The following CACNA1H variants were observed in gnomAD, a reference collection of about 807,000 sequenced individuals.
CACNA1H encodes the protein calcium voltage-gated channel subunit alpha1 H.
A neutral mutation model predicts 192.5 loss-of-function variants in CACNA1H; 149 were observed. That is an observed-to-expected ratio of 0.77 (90% CI 0.68 to 0.89). The LOEUF (loss-of-function observed/expected upper bound fraction) is 0.89, where lower values mean the gene tolerates loss of function less well. Ranked by LOEUF, CACNA1H falls within the 40% of genes least tolerant of loss-of-function variation. CACNA1H has a pLI of 0.00. For missense variants in CACNA1H, 4,257 were observed against 3,423.5 expected (o/e 1.24, Z -6.08); for synonymous variants, 2,202 against 1,475.2 (o/e 1.49, Z -11.29).
rs768949752 is a variant in CACNA1H at position 1,210,776 on chromosome 16, GC to G, written c.4039-8del. 1 of 1,599,230 alleles carries G rather than the reference GC, an allele frequency of 6.3e-7. No individual in the cohort carries two copies. Among genetic ancestry groups the G allele is most frequent in the Non-Finnish European group, 8.5e-7 (1 of 1,179,334 alleles). Reference sequence around the variant, plus strand: ...CCTGAGCCTGAGCTCAGTGCCATTGGCCCTCCGCAGGTGGTGGCCCTGGGGC... The same window carrying G: ...CCTGAGCCTGAGCTCAGTGCCATTGGCCTCCGCAGGTGGTGGCCCTGGGGC... On this transcript the variant is annotated splice_polypyrimidine_tract_variant and intron_variant, in intron 20 of 34. Coordinates refer to ENST00000348261, the MANE Select transcript of CACNA1H (RefSeq NM_021098.3).
intron 9 of CACNA1H, among the ~76,000 whole-genome samples, chr16:1,202,826 C>T (rs1040487783): frequency 6.6e-6 from 1 of 152,150 alleles, no homozygotes; most frequent in African/African-American, 2.4e-5. Context: ...GTGCAGCGTC[C>T]TTCGTGGCCA....
At chr16:1,157,200 G>A (rs1050047336) in intron 2 of CACNA1H, 6 of 152,184 alleles carry the variant, frequency 3.9e-5, no homozygotes, top group South Asian at 2.1e-4. Flanking sequence ...CTGCGAGAGC[G>A]AGGGAGGCGG....
chr16:1,176,870 A>C (rs1200882626), intron 2 of CACNA1H, among the ~76,000 whole-genome samples: 2 of 152,042 alleles, frequency 1.3e-5, no homozygotes, highest in African/African-American at 4.8e-5. Context: ...AGGGGGTCCT[A>C]AGGATGATGT....
rs1280814152 is a variant in CACNA1H, at chr16:1,204,608, A to G, written c.2451+150A>G. ...AAGCCGGGGATGGTGAGGATAGGAG[A>G]CCAGGTGTGCCGAGCCTCCACTGGA... On this transcript the variant is annotated intron_variant, in intron 10 of 34. Transcript: ENST00000348261. 4.8e-6 allele frequency: 3 copies of G among 625,750 alleles called. No individual in the cohort carries two copies. The East Asian group carries it at 8.7e-5, about 18-fold the overall frequency. The allele number at this position is 625,750 out of a possible 1,614,324, so 38.8% of individuals were successfully genotyped here.
At chr16:1,162,565 C>T (rs1244760163) in intron 2 of CACNA1H, among the ~76,000 whole-genome samples, 1 of 150,940 alleles carries the variant, frequency 6.6e-6, no homozygotes, top group Non-Finnish European at 1.5e-5. Context: ...GGCACGGGGG[C>T]TGGTGCTGCA....
intron 2 of CACNA1H, among the ~76,000 whole-genome samples, chr16:1,172,836 C>G (rs746738671): frequency 6.6e-6 from 1 of 152,098 alleles, no homozygotes; most frequent in African/African-American, 2.4e-5. Context: ...GGAGGACTCA[C>G]GGCTTTGCTC....
intron 21 of CACNA1H, 89 bp from the exon 22 acceptor site, chr16:1,211,079 G>C: frequency 6.4e-7 from 1 of 1,563,804 alleles, no homozygotes. Flanking sequence ...CCGCCCACTC[G>C]GCCCCACCTT....
intron 17 of CACNA1H, among the ~76,000 whole-genome samples, chr16:1,209,674 G>A (rs149928765): frequency 5.3e-5 from 8 of 152,326 alleles, no homozygotes; most frequent in South Asian, 2.1e-4. Flanking sequence ...TGGGCTCTGC[G>A]CCGTGGGTCA....
chr16:1,208,426 C>T (rs921782689), intron 16 of CACNA1H, among the ~76,000 whole-genome samples: 8 of 152,168 alleles, frequency 5.3e-5, no homozygotes, highest in African/African-American at 1.7e-4. Flanking sequence ...AAGGGGCAGA[C>T]GCGGAAGCTC....
intron 6 of CACNA1H, 174 bp downstream of exon 6, chr16:1,198,948 C>G (rs1967350104): frequency 1.6e-6 from 1 of 630,444 alleles, no homozygotes; most frequent in Admixed American, 2.8e-5. Flanking sequence ...CGCCCCCACC[C>G]CCCATCATGG....
At position 1,167,130 on chromosome 16, in the gene CACNA1H, G is replaced by A. The variant is rs1011760209; in HGVS notation, c.299+13094G>A. 3.3e-5 allele frequency among the ~76,000 whole-genome samples: 5 copies of A among 152,180 alleles called. No homozygotes were observed. The highest frequency in any genetic ancestry group is 2.1e-4 in the South Asian group (1 of 4,828). On this transcript the variant is annotated intron_variant, in intron 2 of 34. Coordinates refer to ENST00000348261, the MANE Select transcript of CACNA1H (RefSeq NM_021098.3). This position sits in a 1 kb window ranked among gnomAD's most constrained non-coding sequence, Gnocchi z 4.2. Reference sequence around the variant, plus strand: ...AGTCCAGGGCTGTGGGAGTGGACACGGCCCTTCCTTTCCTCGCCGACCCTT... The same window carrying A: ...AGTCCAGGGCTGTGGGAGTGGACACAGCCCTTCCTTTCCTCGCCGACCCTT...
rs774661170 is a variant in CACNA1H at position 1,209,330 on chromosome 16, T to G, written c.3662T>G (p.Val1221Gly). 2 of 1,597,724 alleles carry G rather than the reference T, an allele frequency of 1.3e-6. No homozygotes were observed. Among genetic ancestry groups the G allele is most frequent in the African/African-American group, 1.3e-5 (1 of 74,974 alleles). The change falls in exon 17 of 35, where the codon GTG becomes GGG. Residue 1221 changes from valine to glycine, a missense_variant. By Grantham distance (109) the Val-to-Gly change is moderately radical. Coordinates refer to ENST00000348261, the MANE Select transcript of CACNA1H (RefSeq NM_021098.3). ...PTKCRDRDGQ[V>G]VALPSDFFLR... ...AAGTGCCGCGATCGCGACGGGCAGG[T>G]GGTGGCCCTGCCCAGCGACTTCTTC...
chr16:1,153,861 C>CG lies in CACNA1H; in HGVS notation c.129dup (p.Ser44ValfsTer81). On this transcript the variant is annotated frameshift_variant, in exon 2 of 35. Transcript: ENST00000348261. LOFTEE classifies it high-confidence loss of function. Reference sequence around the variant, plus strand: ...CGGGGCGCCGGGACGCGAGGCGGAGCGGGGGTCCGAGCTCGGCGTGTCACC... The same window carrying CG: ...CGGGGCGCCGGGACGCGAGGCGGAGCGGGGGGTCCGAGCTCGGCGTGTCACC... The CG allele has an allele frequency of 7.3e-7, 1 of 1,368,892 alleles. No homozygotes were observed. The highest frequency in any genetic ancestry group is 9.4e-7 in the Non-Finnish European group (1 of 1,059,006). 84.8% of individuals were successfully genotyped at this position (1,368,892 alleles called of 1,614,324 possible). A position where few individuals can be genotyped will look rare whatever the true frequency, so the allele number is the denominator to read the frequency against.
intron 2 of CACNA1H, among the ~76,000 whole-genome samples, chr16:1,158,798 AC>A (rs1264264032): frequency 1.3e-5 from 2 of 149,516 alleles, no homozygotes; most frequent in Non-Finnish European, 3.0e-5. Flanking sequence ...GCCCCGCCGC[AC>A]CCCCGGCCCC....
At chr16:1,218,929 G>A (rs1246524010) in intron 33 of CACNA1H, 41 bp from the exon 34 acceptor site, 2 of 1,544,756 alleles carry the variant, frequency 1.3e-6, no homozygotes, top group African/African-American at 1.4e-5. Context: ...GGGCAGGAAG[G>A]CAGGGGCAGA....
chr16:1,153,890 C>T lies in CACNA1H; in HGVS notation c.153C>T (p.Ser51=), dbSNP rs1179273024. Residue 51 remains serine, a synonymous_variant, in exon 2 of 35, where the codon TCC becomes TCT. Coordinates refer to ENST00000348261, the MANE Select transcript of CACNA1H (RefSeq NM_021098.3). The part of the protein sequence containing the change: ...ERGSELGVSP[S]ESPAAERGAE... ...GGTCCGAGCTCGGCGTGTCACCCTC[C>T]GAGAGCCCGGCGGCCGAGCGCGGCG... The T allele has an allele frequency of 1.6e-5, 23 of 1,441,298 alleles. No homozygotes were observed. The highest frequency in any genetic ancestry group is 2.0e-5 in the Non-Finnish European group (22 of 1,096,798). 89.3% of individuals were successfully genotyped at this position (1,441,298 alleles called of 1,614,324 possible). A position where few individuals can be genotyped will look rare whatever the true frequency, so the allele number is the denominator to read the frequency against.
intron 2 of CACNA1H, among the ~76,000 whole-genome samples, chr16:1,155,106 T>C (rs1440169765): frequency 3.9e-5 from 6 of 152,344 alleles, no homozygotes; most frequent in Admixed American, 3.9e-4. Context: ...GTACAAATAT[T>C]AAACACGAAA....
chr16:1,221,058 C>A lies in CACNA1H; in HGVS notation c.*64C>A. 1.6e-6 allele frequency: 2 copies of A among 1,283,258 alleles called. No homozygotes were observed. Among genetic ancestry groups the A allele is most frequent in the Non-Finnish European group, 2.1e-6 (2 of 942,358 alleles). 79.5% of individuals were successfully genotyped at this position (1,283,258 alleles called of 1,614,324 possible). ...TCTGGGGGCCCCGCTGGGGTGGAGG[C>A]CCAGGCAGAACCCTGCATGGACCCT... On this transcript the variant is annotated 3_prime_UTR_variant, in exon 35 of 35. Transcript: ENST00000348261.
In CACNA1H at chr16:1,210,677, T is replaced by A. The variant is rs371968236; in HGVS notation, c.4038+26T>A. 3 of 1,596,408 alleles carry A rather than the reference T, an allele frequency of 1.9e-6. No individual in the cohort carries two copies. The African/African-American group carries it at 4.0e-5, about 21-fold the overall frequency. ...GTACCGCGGGGCCCGGGGACTGCCC[T>A]TGTTCCCAGGTCCCCGTTCTGCCCT... On this transcript the variant is annotated intron_variant, in intron 20 of 34. Coordinates refer to ENST00000348261, the MANE Select transcript of CACNA1H (RefSeq NM_021098.3).
Sources: gnomAD v4.1 joint callset for allele counts (sites outside exome capture counted in the v4.1 genomes callset) on GRCh38, gnomAD v4.1.1 for gene constraint, Gnocchi (gnomAD v3.1) non-coding constraint, MANE v1.5 for transcripts, NCBI Gene and HGNC (gene_info 2026-07-23, HGNC 2026-07-21) for gene names.